The following RNF180 variants were observed in gnomAD, a reference collection of about 807,000 sequenced individuals.
RNF180 encodes the protein ring finger protein 180, also known as E3 ubiquitin-protein ligase RNF180.
RNF180 carries 38 observed loss-of-function variants against 59.2 expected under a neutral mutation model. The observed-to-expected ratio is 0.64, with a 90% CI of 0.50 to 0.84. The LOEUF (loss-of-function observed/expected upper bound fraction) is 0.84, where lower values mean the gene tolerates loss of function less well. Among genes scored for constraint, RNF180 ranks in the 40% least tolerant of loss-of-function variants. The pLI is 0.00. For missense variants in RNF180, 705 were observed against 700.9 expected (o/e 1.01, Z -0.07); for synonymous variants, 262 against 240.3 (o/e 1.09, Z -0.84).
intron 7 of RNF180, 147 bp from the exon 8 acceptor site, chr5:64,369,466 TAA>T (rs56066106): frequency 1.0e-4 from 45 of 440,436 alleles, no homozygotes; most frequent in Middle Eastern, 6.2e-4. Context: ...ATAATAATAA[TAA>T]AAAAAAAAGA....
In RNF180 at chr5:64,213,977, C is replaced by G. The variant is rs937423306; in HGVS notation, c.651C>G (p.Gly217=). 3 of 1,613,918 alleles carry G rather than the reference C, an allele frequency of 1.9e-6. No homozygotes were observed. Among genetic ancestry groups the G allele is most frequent in the African/African-American group, 2.7e-5 (2 of 74,916 alleles). The change falls in exon 4 of 8, where the codon GGC becomes GGG. Residue 217 remains glycine (G), a synonymous_variant. Coordinates refer to ENST00000389100, the MANE Select transcript of RNF180 (RefSeq NM_001113561.2). The part of the protein sequence containing the change: ...YQLFVPQLVT[G]RCATRAFHRK... ...TTTTTGTTCCCCAGCTTGTGACTGG[C>G]AGATGCGCTACAAGAGCTTTTCATA... is the stretch of plus-strand genomic sequence containing the variant.
chr5:64,255,916 A>C, intron 5 of RNF180, among the ~76,000 whole-genome samples: 2 of 152,060 alleles, frequency 1.3e-5, no homozygotes, highest in Non-Finnish European at 2.9e-5. Context: ...ATGGTATCTC[A>C]TTGTGGTTTT....
At chr5:64,194,630 A>C (rs531934221) in intron 1 of RNF180, among the ~76,000 whole-genome samples, 1 of 152,278 alleles carries the variant, frequency 6.6e-6, no homozygotes, top group East Asian at 1.9e-4. Context: ...AACAGTGTAA[A>C]AGTGTTCCTA....
intron 5 of RNF180, among the ~76,000 whole-genome samples, chr5:64,269,384 T>C (rs1744873033): frequency 6.6e-6 from 1 of 152,082 alleles, no homozygotes; most frequent in African/African-American, 2.4e-5. Context: ...ATAGTTTTGC[T>C]CTCCCTAACA....
At position 64,214,529 on chromosome 5, in the gene RNF180, CAA is replaced by C. The variant is rs1180101469; in HGVS notation, c.1191+15_1191+16del. ...GGCTACAGAAGCAGGTAATATTTTTCAAAAGAGTTTACTAAAAATCTGTATTA... is the reference window on the plus strand; with the variant it reads ...GGCTACAGAAGCAGGTAATATTTTTCAAGAGTTTACTAAAAATCTGTATTA... On this transcript the variant is annotated intron_variant, in intron 4 of 7. Transcript: ENST00000389100. The C allele has an allele frequency of 1.2e-6, 2 of 1,601,264 alleles. No individual in the cohort carries two copies. Among genetic ancestry groups the C allele is most frequent in the African/African-American group, 1.3e-5 (1 of 74,314 alleles).
At chr5:64,368,637 A>T (rs1477798027) in intron 7 of RNF180, among the ~76,000 whole-genome samples, 1 of 152,092 alleles carries the variant, frequency 6.6e-6, no homozygotes. Context: ...AACCCCATCA[A>T]AAATGGGCAA....
At chr5:64,231,080 A>T (rs901687429) in intron 5 of RNF180, among the ~76,000 whole-genome samples, 4 of 152,224 alleles carry the variant, frequency 2.6e-5, no homozygotes, top group Non-Finnish European at 5.9e-5. Context: ...TGGGCTCTGA[A>T]AAGAGAAAGC....
At chr5:64,223,675 A>G (rs1741487073) in intron 5 of RNF180, among the ~76,000 whole-genome samples, 1 of 151,850 alleles carries the variant, frequency 6.6e-6, no homozygotes, top group African/African-American at 2.4e-5. Flanking sequence ...TTTCTCCCAC[A>G]TATTTTATCT....
chr5:64,173,795 A>T (rs1579922430), intron 1 of RNF180, among the ~76,000 whole-genome samples: 2 of 150,570 alleles, frequency 1.3e-5, no homozygotes, highest in East Asian at 2.0e-4. Flanking sequence ...GGCTCACTGC[A>T]ACCTCTGCCT....
intron 5 of RNF180, among the ~76,000 whole-genome samples, chr5:64,303,201 G>C (rs748142775): frequency 3.3e-5 from 5 of 151,532 alleles, no homozygotes; most frequent in Non-Finnish European, 7.4e-5. Flanking sequence ...TGTTTAGACT[G>C]CTCTACTGAC....
At chr5:64,217,787 A>C (rs1420265109) in intron 5 of RNF180, 1 of 147,544 alleles carries the variant, frequency 6.8e-6, no homozygotes, top group Non-Finnish European at 1.5e-5. Context: ...TTATCTCTAC[A>C]AAAAAAAAAA....
intron 3 of RNF180, among the ~76,000 whole-genome samples, chr5:64,212,623 A>G (rs1194305114): frequency 6.6e-6 from 1 of 152,196 alleles, no homozygotes; most frequent in Non-Finnish European, 1.5e-5. Flanking sequence ...ATGTATACAT[A>G]TATACATAAA....
intron 5 of RNF180, among the ~76,000 whole-genome samples, chr5:64,300,633 A>G (rs1008334605): frequency 2.0e-5 from 3 of 151,670 alleles, no homozygotes; most frequent in Non-Finnish European, 4.4e-5. Context: ...ACATTGTTCA[A>G]ATATCTGAGA....
intron 1 of RNF180, among the ~76,000 whole-genome samples, chr5:64,172,612 G>C (rs987213832): frequency 2.6e-5 from 4 of 152,302 alleles, no homozygotes; most frequent in Admixed American, 6.5e-5. Flanking sequence ...AATAGTATCT[G>C]ATGATAAATG....
At chr5:64,271,713 C>T (rs1741409360) in intron 5 of RNF180, among the ~76,000 whole-genome samples, 1 of 151,922 alleles carries the variant, frequency 6.6e-6, no homozygotes, top group Non-Finnish European at 1.5e-5. Context: ...GCCTAAAGAG[C>T]CATAATATAT....
intron 5 of RNF180, among the ~76,000 whole-genome samples, chr5:64,296,767 G>A (rs190473857): frequency 1.0e-3 from 158 of 152,264 alleles, no homozygotes; most frequent in African/African-American, 3.7e-3. Flanking sequence ...GCTTTGGAGG[G>A]AAATGCATAG....
At chr5:64,193,998 G>A (rs536118280) in intron 1 of RNF180, among the ~76,000 whole-genome samples, 13 of 152,124 alleles carry the variant, frequency 8.5e-5, no homozygotes, top group Admixed American at 3.3e-4. Context: ...ACACTTTAAA[G>A]TTACAAGTTT....
chr5:64,271,386 A>T (rs1236029959), intron 5 of RNF180, among the ~76,000 whole-genome samples: 1 of 152,040 alleles, frequency 6.6e-6, no homozygotes, highest in African/African-American at 2.4e-5. Flanking sequence ...CCAAAGTATG[A>T]AAAGTAATTA....
chr5:64,214,989 A>G (rs1190658457), intron 4 of RNF180, among the ~76,000 whole-genome samples: 1 of 152,198 alleles, frequency 6.6e-6, no homozygotes, highest in Non-Finnish European at 1.5e-5. Flanking sequence ...AGCCTTAATC[A>G]TGGGCTCACA....
Sources: gnomAD v4.1 joint callset for allele counts (sites outside exome capture counted in the v4.1 genomes callset) on GRCh38, gnomAD v4.1.1 for gene constraint, MANE v1.5 for transcripts, NCBI Gene and HGNC (gene_info 2026-07-23, HGNC 2026-07-21) for gene names.